Variants in CAPN13 observed in about 807,000 individuals in gnomAD.
CAPN13 encodes calpain 13.
A neutral mutation model predicts 98.4 loss-of-function variants in CAPN13; 90 were observed. That is an observed-to-expected ratio of 0.92 (90% CI 0.77 to 1.09). CAPN13 has a LOEUF of 1.09. Ranked by LOEUF, CAPN13 falls within the 50% of genes least tolerant of loss-of-function variation. The pLI is 0.00. For synonymous variants in CAPN13, 330 were observed against 305.5 expected (o/e 1.08, Z -0.84); for missense variants, 887 against 841.3 (o/e 1.05, Z -0.67).
At chr2:30,732,339 G>T in intron 20 of CAPN13, 99 bp downstream of exon 20, 4 of 1,482,070 alleles carry the variant, frequency 2.7e-6, no homozygotes, top group Non-Finnish European at 3.7e-6. Context: ...TGCTGCTGAG[G>T]CCTCACGCAG....
At chr2:30,728,980 A>G (rs1344680511) in intron 22 of CAPN13, among the ~76,000 whole-genome samples, 1 of 152,210 alleles carries the variant, frequency 6.6e-6, no homozygotes, top group African/African-American at 2.4e-5. Context: ...GTAGGAGATG[A>G]AGAAATTTAA....
intron 11 of CAPN13, among the ~76,000 whole-genome samples, chr2:30,747,240 G>C (rs911430694): frequency 1.3e-5 from 2 of 152,222 alleles, no homozygotes; most frequent in Non-Finnish European, 1.5e-5. Context: ...AATCCTGCAA[G>C]CCGATGCTGG....
intron 2 of CAPN13, among the ~76,000 whole-genome samples, chr2:30,778,564 G>C (rs1435764691): frequency 1.3e-5 from 2 of 152,206 alleles, no homozygotes; most frequent in Non-Finnish European, 2.9e-5. Flanking sequence ...GCAGAGAGCA[G>C]GCCCGCAAAC....
Position 30,778,955 on chromosome 2 carries a change from GA to G in CAPN13, c.199-1317del, listed in dbSNP as rs377532716. 3.4e-3 allele frequency among the ~76,000 whole-genome samples: 520 copies of G among 152,322 alleles called. 2 individuals carry two copies. The highest frequency in any genetic ancestry group is 0.011 in the African/African-American group (451 of 41,566). On this transcript the variant is annotated intron_variant, in intron 2 of 22. Coordinates refer to ENST00000295055, the MANE Select transcript of CAPN13 (RefSeq NM_144575.3). ...TCCGGAGGGCCTTCGGCTGCATGCA[GA>G]GCTCCAAGTAGAGCCAGTTTTAAAA...
At chr2:30,736,637 C>A (rs933207489) in intron 17 of CAPN13, 66 bp from the exon 18 acceptor site, 5 of 1,469,592 alleles carry the variant, frequency 3.4e-6, no homozygotes, top group Non-Finnish European at 4.8e-6. Flanking sequence ...ATCCTGCCAA[C>A]AAAGCCAGAG....
intron 12 of CAPN13, 88 bp downstream of exon 12, chr2:30,745,635 C>A: frequency 7.4e-7 from 1 of 1,347,026 alleles, no homozygotes; most frequent in Non-Finnish European, 1.0e-6. Flanking sequence ...CCACTGAACA[C>A]GTGGAGGCCA....
chr2:30,744,020 T>A (rs900704694), intron 12 of CAPN13, among the ~76,000 whole-genome samples: 1 of 152,208 alleles, frequency 6.6e-6, no homozygotes, highest in Non-Finnish European at 1.5e-5. Context: ...CTCTGTTTCA[T>A]CTCTCCAGTG....
rs371203863 is a variant in CAPN13 at position 30,775,909 on chromosome 2, G to A, written c.387+21C>T. ...CACAGAGAACCCCATCATATAATGA[G>A]CGCTGCAAGGGCACACGTACCCGGA... On this transcript the variant is annotated intron_variant, in intron 4 of 22. Transcript: ENST00000295055. 2.6e-5 allele frequency: 40 copies of A among 1,564,844 alleles called. No homozygotes were observed. The African/African-American group carries it at 5.2e-4, about 20-fold the overall frequency.
chr2:30,789,558 G>T (rs1292576587), intron 1 of CAPN13, among the ~76,000 whole-genome samples: 1 of 152,148 alleles, frequency 6.6e-6, no homozygotes, highest in Non-Finnish European at 1.5e-5. Context: ...CATCTGGGGG[G>T]CCCCCACTGT....
chr2:30,753,101 A>T lies in CAPN13; in HGVS notation c.1039T>A (p.Trp347Arg), dbSNP rs776345286. The change falls in exon 10 of 23, where the codon TGG becomes AGG. Residue 347 changes from tryptophan (W) to arginine (R), a missense_variant. Physicochemically the swap from Trp to Arg is moderately radical, Grantham distance 101 (BLOSUM62 -3). Transcript: ENST00000295055. ...LDHGNTLHEGWSQIMFRKQVI... is the reference protein window; with the variant it reads ...LDHGNTLHEGRSQIMFRKQVI... ...TGCTTCCTAAACATTATTTGGGACC[A>T]TCCTTCGTGGAGTGTGTTTCCATGG... 1.9e-6 allele frequency: 3 copies of T among 1,614,022 alleles called. No individual in the cohort carries two copies. Among genetic ancestry groups the T allele is most frequent in the Non-Finnish European group, 2.5e-6 (3 of 1,179,874 alleles).
chr2:30,739,372 C>A (rs1671541252), intron 15 of CAPN13, among the ~76,000 whole-genome samples: 1 of 152,008 alleles, frequency 6.6e-6, no homozygotes, highest in Non-Finnish European at 1.5e-5. Flanking sequence ...TGAGAATGAG[C>A]ACCTTCCATC....
chr2:30,775,250 A>G (rs947634354), intron 4 of CAPN13, among the ~76,000 whole-genome samples: 3 of 152,190 alleles, frequency 2.0e-5, no homozygotes, highest in African/African-American at 7.2e-5. Flanking sequence ...GACCTCATTT[A>G]CATGAGCCAC....
Position 30,722,879 on chromosome 2 carries a change from A to G in CAPN13, c.*388T>C, listed in dbSNP as rs1220949115. ...ACACCCAGTGGACAGCTCTTGTGTC[A>G]CCCATAGCACCCGAGGGTGGTCAAA... On this transcript the variant is annotated 3_prime_UTR_variant, in exon 23 of 23. Transcript: ENST00000295055. The G allele has an allele frequency of 6.6e-6, 1 of 152,252 alleles. No homozygotes were observed. Among genetic ancestry groups the G allele is most frequent in the Non-Finnish European group, 1.5e-5 (1 of 68,044 alleles). 9.4% of individuals were successfully genotyped at this position (152,252 alleles called of 1,614,324 possible).
chr2:30,804,525 G>T (rs552390735), intron 1 of CAPN13, among the ~76,000 whole-genome samples: 1 of 152,140 alleles, frequency 6.6e-6, no homozygotes, highest in Non-Finnish European at 1.5e-5. Context: ...ATAACTCTCT[G>T]AGGAGGGAAG....
rs57880021 is a variant in CAPN13, at chr2:30,745,894, ATT to A, written c.1237-162_1237-161del. Among the ~76,000 whole-genome samples, 819 of 92,680 alleles carry A rather than the reference ATT, an allele frequency of 8.8e-3. 5 individuals are homozygous for A. The highest frequency in any genetic ancestry group is 0.029 in the African/African-American group (687 of 23,480). 60.8% of individuals were successfully genotyped at this position (92,680 alleles called of 152,430 possible). A position where few individuals can be genotyped will look rare whatever the true frequency, so the allele number is the denominator to read the frequency against. ...TTTTATATCTGTTATGCCATAAAGC[ATT>A]TTTTTTTTTTTTTTTTTTTTTTGAG... On this transcript the variant is annotated intron_variant, in intron 11 of 22. Transcript: ENST00000295055.
Position 30,732,469 on chromosome 2 carries a change from G to C in CAPN13, c.1896C>G (p.Val632=), listed in dbSNP as rs112127128. 421 of 1,613,648 alleles carry C rather than the reference G, an allele frequency of 2.6e-4. No individual in the cohort carries two copies. In the African/African-American group the frequency reaches 4.9e-3, roughly 19 times the overall value. Residue 632 remains valine, a synonymous_variant, in exon 20 of 23, where the codon GTC becomes GTG. Transcript: ENST00000295055. ...TGGCTTCAAGCCGCATCAGGAAGCA[G>C]ACCAGGCTGGGGAAGCTGACCCTGC... ...SVGRVSFPSL[V]CFLMRLEAMA...
At chr2:30,726,357 A>G (rs77915503) in intron 22 of CAPN13, among the ~76,000 whole-genome samples, 15,057 of 152,238 alleles carry the variant, frequency 0.099, 1,026 homozygotes, top group African/African-American at 0.2. Context: ...GTACACTTCT[A>G]TTCGGCATTG....
intron 7 of CAPN13, among the ~76,000 whole-genome samples, chr2:30,760,620 T>C (rs762668409): frequency 2.0e-5 from 3 of 152,214 alleles, no homozygotes; most frequent in Non-Finnish European, 4.4e-5. Context: ...ATGAGCAGAT[T>C]AAAAAGCGCG....
chr2:30,734,357 TG>T, intron 19 of CAPN13, 91 bp downstream of exon 19: 3 of 956,124 alleles, frequency 3.1e-6, no homozygotes, highest in African/African-American at 1.6e-5. Context: ...CCTGATTGCC[TG>T]GCACTGTTGT....
Sources: allele counts gnomAD v4.1 joint callset (sites outside exome capture counted in the v4.1 genomes callset), GRCh38; gene constraint gnomAD v4.1.1; transcripts MANE v1.5; gene names NCBI Gene and HGNC (gene_info 2026-07-23, HGNC 2026-07-21).